The following SCN8A variants were observed in gnomAD, a reference collection of about 807,000 sequenced individuals.
SCN8A encodes the protein sodium voltage-gated channel alpha subunit 8.
In SCN8A, 30 loss-of-function variants were observed where a neutral mutation model predicts 184.1. That is an observed-to-expected ratio of 0.16 (90% CI 0.12 to 0.22). SCN8A has a LOEUF of 0.22. SCN8A is among the 10% of genes least tolerant of loss of function. The pLI, the probability that SCN8A is intolerant of heterozygous loss-of-function variation, is 1.00. For missense variants in SCN8A, 1,057 were observed against 2,498.9 expected (o/e 0.42, Z 12.30); for synonymous variants, 852 against 907.0 (o/e 0.94, Z 1.09).
At chr12:51,654,809 G>A (rs1211454061) in intron 1 of SCN8A, among the ~76,000 whole-genome samples, 1 of 152,102 alleles carries the variant, frequency 6.6e-6, no homozygotes, top group South Asian at 2.1e-4. Context: ...ACTGCACCCA[G>A]CCTGAGACAA....
intron 3 of SCN8A, among the ~76,000 whole-genome samples, chr12:51,684,980 A>G (rs1592378132): frequency 6.6e-6 from 1 of 152,142 alleles, no homozygotes; most frequent in African/African-American, 2.4e-5. Flanking sequence ...TGGCTGGTCG[A>G]TATTTAACAG....
chr12:51,672,992 A>G (rs1226032750), intron 2 of SCN8A, among the ~76,000 whole-genome samples: 1 of 152,134 alleles, frequency 6.6e-6, no homozygotes, highest in Non-Finnish European at 1.5e-5. Flanking sequence ...CCTGCTGTCT[A>G]TATAGAGCAT....
At chr12:51,745,245 CTG>C (rs1210329045) in intron 12 of SCN8A, among the ~76,000 whole-genome samples, 1 of 152,160 alleles carries the variant, frequency 6.6e-6, no homozygotes, top group Non-Finnish European at 1.5e-5. Context: ...ACTCATAAAA[CTG>C]TGAAAGGGCA....
chr12:51,598,387 TTTG>T (rs918003884), intron 1 of SCN8A, among the ~76,000 whole-genome samples: 3 of 152,122 alleles, frequency 2.0e-5, no homozygotes, highest in Non-Finnish European at 2.9e-5. Context: ...GAAGGTGGTT[TTTG>T]TTGTTGTTGT....
intron 12 of SCN8A, among the ~76,000 whole-genome samples, chr12:51,741,845 C>T (rs919778803): frequency 6.6e-6 from 1 of 152,060 alleles, no homozygotes; most frequent in Non-Finnish European, 1.5e-5. Flanking sequence ...GCTGGGATTA[C>T]AAGCATGTGC....
rs1400935443 is a variant in SCN8A at position 51,645,027 on chromosome 12, T to TG, written c.-54-17730dup. Among the ~76,000 whole-genome samples, 14 of 146,712 alleles carry TG rather than the reference T, an allele frequency of 9.5e-5. No homozygotes were observed. In the South Asian group the frequency reaches 1.8e-3, roughly 18 times the overall value. On this transcript the variant is annotated intron_variant, in intron 1 of 26. Coordinates refer to ENST00000627620, the MANE Select transcript of SCN8A (RefSeq NM_001330260.2). ...GCAGCCACCTCGTCTGGGAGGGAGG[T>TG]GGGGGGGTCAGCCCCCCACCCGGCC... is the stretch of plus-strand genomic sequence containing the variant.
intron 1 of SCN8A, among the ~76,000 whole-genome samples, chr12:51,651,748 C>T (rs545253562): frequency 1.3e-5 from 2 of 152,314 alleles, no homozygotes; most frequent in Non-Finnish European, 2.9e-5. Flanking sequence ...CTCTTCTCTA[C>T]ATATTACCTC....
At chr12:51,728,091 A>T (rs1203053967) in intron 12 of SCN8A, among the ~76,000 whole-genome samples, 1 of 152,134 alleles carries the variant, frequency 6.6e-6, no homozygotes, top group African/African-American at 2.4e-5. Flanking sequence ...GTACAGATAT[A>T]TTGTTCTCTA....
chr12:51,651,008 G>A (rs1471311324), intron 1 of SCN8A, among the ~76,000 whole-genome samples: 1 of 152,216 alleles, frequency 6.6e-6, no homozygotes, highest in African/African-American at 2.4e-5. Context: ...AAAGGAATAG[G>A]TTGGGCTAGT....
intron 18 of SCN8A, chr12:51,770,234 G>A: frequency 1.7e-6 from 1 of 588,932 alleles, no homozygotes; most frequent in Non-Finnish European, 3.0e-6. Context: ...ATTTCCATTA[G>A]AATGTCCTGT....
At chr12:51,709,749 C>T (rs1394513179) in intron 11 of SCN8A, among the ~76,000 whole-genome samples, 6 of 151,646 alleles carry the variant, frequency 4.0e-5, no homozygotes, top group Admixed American at 2.6e-4. Context: ...AAAAGGGAGA[C>T]GTGTTAGAAA....
intron 1 of SCN8A, among the ~76,000 whole-genome samples, chr12:51,615,663 C>T (rs894158390): frequency 7.3e-5 from 11 of 151,698 alleles, no homozygotes; most frequent in Non-Finnish European, 1.6e-4. Flanking sequence ...AAAACCCAAT[C>T]AATAATGTTA....
chr12:51,732,337 C>T (rs1942257122), intron 12 of SCN8A, among the ~76,000 whole-genome samples: 1 of 152,146 alleles, frequency 6.6e-6, no homozygotes, highest in Non-Finnish European at 1.5e-5. Flanking sequence ...GTCTTTTCCC[C>T]AGTGTTTATT....
chr12:51,634,653 A>ATTTTTT (rs1269981442), intron 1 of SCN8A, among the ~76,000 whole-genome samples: 1 of 62,500 alleles, frequency 1.6e-5, no homozygotes, highest in Non-Finnish European at 3.6e-5. Flanking sequence ...TATTATTATT[A>ATTTTTT]TTATTTTTTT....
At chr12:51,802,829 C>G (rs1175912921) in intron 26 of SCN8A, among the ~76,000 whole-genome samples, 1 of 152,192 alleles carries the variant, frequency 6.6e-6, no homozygotes, top group African/African-American at 2.4e-5. Flanking sequence ...ACTCTCTAAA[C>G]AGTTCACACC....
At chr12:51,800,110 C>T (rs532792515) in intron 26 of SCN8A, among the ~76,000 whole-genome samples, 1 of 152,208 alleles carries the variant, frequency 6.6e-6, no homozygotes, top group South Asian at 2.1e-4. Context: ...AGTTTATATA[C>T]CCCTGAGGTA....
intron 1 of SCN8A, among the ~76,000 whole-genome samples, chr12:51,611,630 T>G (rs896081675): frequency 2.5e-4 from 38 of 152,042 alleles, no homozygotes; most frequent in Non-Finnish European, 4.0e-4. Context: ...CCCAAGTAGC[T>G]GGGATTACAT....
At chr12:51,746,152 A>G (rs1942508827) in intron 13 of SCN8A, 117 bp downstream of exon 13, 6 of 932,364 alleles carry the variant, frequency 6.4e-6, no homozygotes. Context: ...AGCTTTAGGA[A>G]TGGAACGTAT....
intron 16 of SCN8A, 25 bp from the exon 17 acceptor site, chr12:51,768,840 C>G (rs1310183264): frequency 2.6e-6 from 4 of 1,513,796 alleles, no homozygotes; most frequent in East Asian, 4.5e-5. Flanking sequence ...GCATTTGTTC[C>G]TTTTTTCCAA....
Sources: gnomAD v4.1 joint callset for allele counts (sites outside exome capture counted in the v4.1 genomes callset) on GRCh38, gnomAD v4.1.1 for gene constraint, MANE v1.5 for transcripts, NCBI Gene and HGNC (gene_info 2026-07-23, HGNC 2026-07-21) for gene names.